TBCD: variants seen among roughly 807,000 people sequenced by gnomAD.
TBCD encodes the protein tubulin-specific chaperone D.
Under a neutral mutation model 169.3 loss-of-function variants are expected in TBCD, and 105 were observed. The ratio of observed to expected loss-of-function variants is 0.62; its 90% CI spans 0.53 to 0.73. The LOEUF (loss-of-function observed/expected upper bound fraction) is 0.73, where lower values mean the gene tolerates loss of function less well. Among genes scored for constraint, TBCD ranks in the 30% least tolerant of loss-of-function variants. TBCD has a pLI of 0.00. For missense variants in TBCD, 1,444 were observed against 1,600.1 expected, an observed-to-expected ratio of 0.90 and a Z score of 1.66; for synonymous variants, 700 against 643.9, an observed-to-expected ratio of 1.09 and a Z score of -1.32.
intron 1 of TBCD, among the ~76,000 whole-genome samples, chr17:82,754,973 C>T (rs2047325677): frequency 6.6e-6 from 1 of 152,228 alleles, no homozygotes; most frequent in Non-Finnish European, 1.5e-5. Flanking sequence ...GCCCGTGAGG[C>T]AGCCTCAGGA....
At chr17:82,790,808 A>C (rs2049666535) in intron 7 of TBCD, among the ~76,000 whole-genome samples, 1 of 151,698 alleles carries the variant, frequency 6.6e-6, no homozygotes. Flanking sequence ...TGGTTGGTGG[A>C]TCCTCCTCCT....
At chr17:82,931,186 G>A (rs2062170514) in intron 33 of TBCD, among the ~76,000 whole-genome samples, 1 of 152,224 alleles carries the variant, frequency 6.6e-6, no homozygotes, top group Non-Finnish European at 1.5e-5. Context: ...ACGAGGACAC[G>A]GGCCTGGTGT....
Position 82,752,241 on chromosome 17 carries a change from G to A in TBCD, c.48G>A (p.Ala16=). ...CCGCGGGCGGCCCCGAGGAGGAGGC[G>A]GAGGACGAGACACTGGCCTTTGGCG... The part of the protein sequence containing the change: ...EPAAGGPEEE[A]EDETLAFGAA... The change falls in exon 1 of 39, where the codon GCG becomes GCA. Residue 16 remains alanine (A), a synonymous_variant. Coordinates refer to ENST00000355528, the MANE Select transcript of TBCD (RefSeq NM_005993.5). The A allele has an allele frequency of 6.6e-7, 1 of 1,526,298 alleles. No homozygotes were observed. Among genetic ancestry groups the A allele is most frequent in the Non-Finnish European group, 8.8e-7 (1 of 1,140,398 alleles). The allele number at this position is 1,526,298 out of a possible 1,614,324, so 94.5% of individuals were successfully genotyped here.
At chr17:82,839,064 A>G (rs1405242032) in intron 13 of TBCD, 1 of 812,604 alleles carries the variant, frequency 1.2e-6, no homozygotes, top group Non-Finnish European at 1.5e-6. Context: ...TAACAACCAA[A>G]CAGAAACTTA....
rs149488755 is a variant in TBCD at position 82,889,857 on chromosome 17, C to T, written c.1563+160C>T. Among the ~76,000 whole-genome samples the T allele has an allele frequency of 2.0e-3, 299 of 152,374 alleles. No homozygotes were observed. Among genetic ancestry groups the T allele is most frequent in the African/African-American group, 7.0e-3 (290 of 41,588 alleles). ...TTCACTATAGGACGCACATGTTAAACAGCGAGTCCTGTTTCACAGGGAACC... is the reference window on the plus strand; with the variant it reads ...TTCACTATAGGACGCACATGTTAAATAGCGAGTCCTGTTTCACAGGGAACC... On this transcript the variant is annotated intron_variant, in intron 16 of 38. Coordinates refer to ENST00000355528, the MANE Select transcript of TBCD (RefSeq NM_005993.5). This position sits in a 1 kb window ranked among gnomAD's most constrained non-coding sequence, Gnocchi z 5.3.
rs2053914344 is a variant in TBCD at position 82,835,738 on chromosome 17, T to G, written c.1318+20804T>G. ...CCGTGCCTGGCTCATTTATTTATAATTCTTAAAAACACAACCACCCTTCCC... is the reference window on the plus strand; with the variant it reads ...CCGTGCCTGGCTCATTTATTTATAAGTCTTAAAAACACAACCACCCTTCCC... On this transcript the variant is annotated intron_variant, in intron 13 of 38. Coordinates refer to ENST00000355528, the MANE Select transcript of TBCD (RefSeq NM_005993.5). The surrounding 1 kb of genome is among the most constrained non-coding windows in gnomAD (Gnocchi z 4.5). Among the ~76,000 whole-genome samples the G allele has an allele frequency of 6.6e-6, 1 of 152,192 alleles. No individual in the cohort carries two copies. The highest frequency in any genetic ancestry group is 1.5e-5 in the Non-Finnish European group (1 of 68,034).
chr17:82,910,527 G>A (rs1442361643), intron 22 of TBCD, among the ~76,000 whole-genome samples: 1 of 151,930 alleles, frequency 6.6e-6, no homozygotes, highest in Non-Finnish European at 1.5e-5. Context: ...GGATCTGCCA[G>A]TGCTTTCTCC....
At chr17:82,809,911 C>T in intron 12 of TBCD, 129 bp downstream of exon 12, 1 of 777,310 alleles carries the variant, frequency 1.3e-6, no homozygotes, top group South Asian at 1.8e-5. Context: ...CTTTTTTCCC[C>T]CTTTTGAAGT....
At chr17:82,823,922 C>CT (rs2052614565) in intron 13 of TBCD, among the ~76,000 whole-genome samples, 2 of 152,012 alleles carry the variant, frequency 1.3e-5, no homozygotes, top group Non-Finnish European at 2.9e-5. Context: ...AGAAGTCACT[C>CT]GCCCCTGATG....
intron 8 of TBCD, among the ~76,000 whole-genome samples, chr17:82,800,329 CTCA>C (rs2050414937): frequency 6.6e-6 from 1 of 152,144 alleles, no homozygotes; most frequent in Non-Finnish European, 1.5e-5. Context: ...CTCCCCTTGG[CTCA>C]GCCTCCTGTC....
chr17:82,812,331 C>T (rs1407768992), intron 12 of TBCD, among the ~76,000 whole-genome samples: 1 of 152,200 alleles, frequency 6.6e-6, no homozygotes, highest in Non-Finnish European at 1.5e-5. Context: ...CGCCCGCCGC[C>T]CCGTGTCAGC....
chr17:82,852,074 G>A (rs1449917736), intron 13 of TBCD, among the ~76,000 whole-genome samples: 1 of 152,074 alleles, frequency 6.6e-6, no homozygotes, highest in East Asian at 1.9e-4. Flanking sequence ...GCAGAGTTTT[G>A]CAGCCATCGC....
chr17:82,794,075 C>T (rs2049935464), intron 7 of TBCD, among the ~76,000 whole-genome samples: 1 of 152,222 alleles, frequency 6.6e-6, no homozygotes, highest in African/African-American at 2.4e-5. Flanking sequence ...AGAGCCAAGC[C>T]TGAACTGGTG....
At chr17:82,876,881 G>C (rs2058014375) in intron 14 of TBCD, 2 of 756,510 alleles carry the variant, frequency 2.6e-6, no homozygotes, top group Non-Finnish European at 3.2e-6. Flanking sequence ...CCGGGAGAGG[G>C]AGCCGGGAGT....
chr17:82,790,360 G>A (rs1288828667), intron 7 of TBCD, among the ~76,000 whole-genome samples: 1 of 152,176 alleles, frequency 6.6e-6, no homozygotes, highest in African/African-American at 2.4e-5. Flanking sequence ...GTAAAGGGTG[G>A]CCTCGGAAGC....
chr17:82,812,178 C>T (rs907744464), intron 12 of TBCD, among the ~76,000 whole-genome samples: 2 of 152,130 alleles, frequency 1.3e-5, no homozygotes, highest in African/African-American at 4.8e-5. Context: ...TCTGTGCCAA[C>T]CCCATTGGTT....
At chr17:82,937,661 C>T in intron 35 of TBCD, 1 of 606,614 alleles carries the variant, frequency 1.6e-6, no homozygotes, top group Admixed American at 3.0e-5. Flanking sequence ...CTCCCCGATT[C>T]TCCTGTGTGC....
chr17:82,942,247 G>C (rs1749965401), intron 38 of TBCD: 1 of 632,148 alleles, frequency 1.6e-6, no homozygotes, highest in East Asian at 2.8e-5. Context: ...CCCCAGATGG[G>C]GTGCCCTTCC....
At chr17:82,830,594 C>T (rs372298569) in intron 13 of TBCD, 1 of 1,614,064 alleles carries the variant, frequency 6.2e-7, no homozygotes, top group African/African-American at 1.3e-5. Context: ...GGTTCTGCAG[C>T]TCGTGGTCGA....
Sources: gnomAD v4.1 joint callset for allele counts (sites outside exome capture counted in the v4.1 genomes callset) on GRCh38, gnomAD v4.1.1 for gene constraint, Gnocchi (gnomAD v3.1) non-coding constraint, MANE v1.5 for transcripts, NCBI Gene and HGNC (gene_info 2026-07-23, HGNC 2026-07-21) for gene names.